The following POU2AF2 variants were observed in gnomAD, a reference collection of about 807,000 sequenced individuals.
The protein encoded by POU2AF2 is POU domain class 2-associating factor 2.
the POU2AF2 span, among the ~76,000 whole-genome samples, chr11:111,276,453 A>AAAAAAAAAAAAAAAAAAAATAT: frequency 5.3e-5 from 2 of 37,674 alleles, no homozygotes; most frequent in African/African-American, 1.9e-4. Context: ...AAAAAAAAAA[A>AAAAAAAAAAAAAAAAAAAATAT]ATATATATAT....
the POU2AF2 span, among the ~76,000 whole-genome samples, chr11:111,285,282 C>T: frequency 3.4e-3 from 525 of 152,300 alleles, 6 homozygotes; most frequent in Non-Finnish European, 2.1e-3. Flanking sequence ...GCTGACCTTC[C>T]CCACTGTGTA....
chr11:111,285,889 C>A, the POU2AF2 span: 1 of 1,612,528 alleles, frequency 6.2e-7, no homozygotes, highest in Non-Finnish European at 8.5e-7. Flanking sequence ...CGCCTCCTTA[C>A]CCCTTCACCC....
the POU2AF2 span, among the ~76,000 whole-genome samples, chr11:111,264,491 C>CGAAGAAAGAAA: frequency 1.2e-5 from 1 of 86,062 alleles, no homozygotes; most frequent in South Asian, 4.0e-4. Context: ...GCAAGACTCA[C>CGAAGAAAGAAA]GAAAGAAAGA....
chr11:111,270,370 G>C, the POU2AF2 span, among the ~76,000 whole-genome samples: 1 of 152,272 alleles, frequency 6.6e-6, no homozygotes, highest in East Asian at 1.9e-4. Flanking sequence ...ACATTTGAAA[G>C]CCTTGAGCAA....
the POU2AF2 span, among the ~76,000 whole-genome samples, chr11:111,281,833 G>T: frequency 2.0e-5 from 3 of 152,214 alleles, no homozygotes; most frequent in Non-Finnish European, 1.5e-5. Context: ...CAATGCCTAT[G>T]TCTCATTAAA....
the POU2AF2 span, among the ~76,000 whole-genome samples, chr11:111,280,747 T>A: frequency 6.6e-6 from 1 of 152,208 alleles, no homozygotes; most frequent in Non-Finnish European, 1.5e-5. Flanking sequence ...ATGTGCTTCC[T>A]TTAAATGAAA....
chr11:111,258,169 T>TGA, the POU2AF2 span, among the ~76,000 whole-genome samples: 42 of 151,166 alleles, frequency 2.8e-4, no homozygotes, highest in Non-Finnish European at 4.9e-4. Flanking sequence ...TCTAGTCTCT[T>TGA]GAGAGAGAGA....
the POU2AF2 span, among the ~76,000 whole-genome samples, chr11:111,260,324 T>C: frequency 2.6e-3 from 393 of 151,156 alleles, 3 homozygotes; most frequent in African/African-American, 9.2e-3. Flanking sequence ...CATAAATGCA[T>C]TGTAATAGGT....
chr11:111,260,059 C>A, the POU2AF2 span, among the ~76,000 whole-genome samples: 1 of 152,152 alleles, frequency 6.6e-6, no homozygotes, highest in Non-Finnish European at 1.5e-5. Context: ...TCTTGAGGAC[C>A]TATTTCTGTC....
chr11:111,259,122 A>G, the POU2AF2 span, among the ~76,000 whole-genome samples: 1 of 152,164 alleles, frequency 6.6e-6, no homozygotes, highest in Non-Finnish European at 1.5e-5. Context: ...CTATAATAAC[A>G]TGTATGTAAG....
chr11:111,253,290 T>C, the POU2AF2 span, among the ~76,000 whole-genome samples: 1 of 152,226 alleles, frequency 6.6e-6, no homozygotes, highest in African/African-American at 2.4e-5. Context: ...TCTTAGCTCT[T>C]GGAAGTAGCC....
chr11:111,268,477 TTTTTATTTTATTTTA>T, the POU2AF2 span, among the ~76,000 whole-genome samples: 3,142 of 77,252 alleles, frequency 0.041, 109 homozygotes, highest in Non-Finnish European at 0.067. Flanking sequence ...CATTTTTCTT[TTTTTATTTTATTTTA>T]TTTTATTTTA....
At chr11:111,284,655 T>C in the POU2AF2 span, among the ~76,000 whole-genome samples, 1 of 152,248 alleles carries the variant, frequency 6.6e-6, no homozygotes, top group Non-Finnish European at 1.5e-5. Flanking sequence ...GCTCTACTGA[T>C]ATTGCCTGAT....
chr11:111,278,584 C>G, the POU2AF2 span, among the ~76,000 whole-genome samples: 493 of 146,000 alleles, frequency 3.4e-3, no homozygotes, highest in Middle Eastern at 7.0e-3. Flanking sequence ...CTCTCTCTCT[C>G]TCTCAGCCAT....
the POU2AF2 span, chr11:111,286,285 A>C: frequency 2.0e-6 from 1 of 489,764 alleles, no homozygotes; most frequent in Non-Finnish European, 3.5e-6. Flanking sequence ...ATAACCTTAC[A>C]ATGTGGTCTT....
At chr11:111,264,432 G>A in the POU2AF2 span, among the ~76,000 whole-genome samples, 1 of 151,388 alleles carries the variant, frequency 6.6e-6, no homozygotes, top group African/African-American at 2.4e-5. Context: ...GGAGGCGGAG[G>A]TTGCAGTGAG....
At chr11:111,278,556 GTCTCTC>G in the POU2AF2 span, among the ~76,000 whole-genome samples, 466 of 148,410 alleles carry the variant, frequency 3.1e-3, 3 homozygotes, top group African/African-American at 9.0e-3. Context: ...CTCTCTCTCT[GTCTCTC>G]TCTCTCTCTC....
At chr11:111,268,515 T>TTATTG in the POU2AF2 span, among the ~76,000 whole-genome samples, 1 of 110,608 alleles carries the variant, frequency 9.0e-6, no homozygotes, top group East Asian at 2.0e-4. Context: ...TTATTTTATT[T>TTATTG]TATTTTATTT....
the POU2AF2 span, among the ~76,000 whole-genome samples, chr11:111,248,741 C>T: frequency 6.6e-6 from 1 of 152,070 alleles, no homozygotes. Context: ...AATTTAAAAG[C>T]AGTAACAGGT....
Sources: gnomAD v4.1 joint callset for allele counts (sites outside exome capture counted in the v4.1 genomes callset) on GRCh38, gnomAD v4.1.1 for gene constraint, MANE v1.5 for transcripts, NCBI Gene and HGNC (gene_info 2026-07-23, HGNC 2026-07-21) for gene names.